Variants in SERPINI2 observed in about 807,000 individuals in gnomAD.
SERPINI2 encodes serpin family I member 2, also known as serpin I2.
SERPINI2 carries 48 observed loss-of-function variants against 47.3 expected under a neutral mutation model. The ratio of observed to expected loss-of-function variants is 1.02; its 90% CI spans 0.81 to 1.29. The LOEUF (loss-of-function observed/expected upper bound fraction) is 1.29. Among genes scored for constraint, SERPINI2 ranks in the 50% most tolerant of loss-of-function variants. The pLI is 0.00. For synonymous variants in SERPINI2, 135 were observed against 149.3 expected (o/e 0.90, Z 0.70); for missense variants, 448 against 456.9 (o/e 0.98, Z 0.18).
intron 5 of SERPINI2, among the ~76,000 whole-genome samples, chr3:167,459,339 G>C (rs1749915991): frequency 6.6e-6 from 1 of 152,142 alleles, no homozygotes; most frequent in African/African-American, 2.4e-5. Context: ...CTCCCAAAGT[G>C]CTGGGACTAC....
chr3:167,450,438 G>T (rs1749610771), intron 6 of SERPINI2, among the ~76,000 whole-genome samples: 1 of 152,166 alleles, frequency 6.6e-6, no homozygotes, highest in South Asian at 2.1e-4. Context: ...GCCATGTCAA[G>T]CTGGCCTTGC....
chr3:167,470,047 ACTT>A, intron 2 of SERPINI2, among the ~76,000 whole-genome samples: 1 of 150,962 alleles, frequency 6.6e-6, no homozygotes, highest in Non-Finnish European at 1.5e-5. Context: ...ACCTGTTAAA[ACTT>A]CTGTGTTTCT....
intron 5 of SERPINI2, among the ~76,000 whole-genome samples, chr3:167,464,304 A>C (rs991005805): frequency 3.3e-5 from 5 of 152,000 alleles, no homozygotes; most frequent in Admixed American, 2.6e-4. Flanking sequence ...ATGAGCCACC[A>C]TGCCTGGCCA....
chr3:167,465,685 G>A lies in SERPINI2; in HGVS notation c.479-12C>T, dbSNP rs1185247001. On this transcript the variant is annotated splice_polypyrimidine_tract_variant and intron_variant, in intron 3 of 8. Transcript: ENST00000264677. The stretch of plus-strand genomic sequence containing the variant: ...GTCTTTAATTTTTCCTAGGAAGTGG[G>A]TGGAGGAGGAGGTAAGAAGAAATGT... 1.3e-6 allele frequency: 2 copies of A among 1,599,438 alleles called. No homozygotes were observed. Among genetic ancestry groups the A allele is most frequent in the South Asian group, 2.2e-5 (2 of 89,328 alleles).
chr3:167,449,199 G>T, intron 7 of SERPINI2, 117 bp downstream of exon 7: 2 of 709,592 alleles, frequency 2.8e-6, no homozygotes, highest in Non-Finnish European at 4.9e-6. Context: ...TCCTCCTGAA[G>T]TGTATTAGAC....
At chr3:167,458,759 G>A (rs554454180) in intron 5 of SERPINI2, among the ~76,000 whole-genome samples, 1 of 152,228 alleles carries the variant, frequency 6.6e-6, no homozygotes, top group Admixed American at 6.5e-5. Flanking sequence ...CAATAGACAC[G>A]AGAGCTGATC....
chr3:167,443,803 A>T (rs1749392635), intron 8 of SERPINI2, among the ~76,000 whole-genome samples: 1 of 152,212 alleles, frequency 6.6e-6, no homozygotes, highest in Admixed American at 6.5e-5. Flanking sequence ...CACATTTTGA[A>T]TTGAATCTTC....
At chr3:167,472,391 A>G (rs1425175107) in intron 1 of SERPINI2, among the ~76,000 whole-genome samples, 2 of 152,058 alleles carry the variant, frequency 1.3e-5, no homozygotes, top group Non-Finnish European at 2.9e-5. Flanking sequence ...TTAGGACAAA[A>G]TAACCCAAAG....
intron 8 of SERPINI2, among the ~76,000 whole-genome samples, chr3:167,446,010 A>G (rs1749468201): frequency 6.6e-6 from 1 of 152,102 alleles, no homozygotes; most frequent in Non-Finnish European, 1.5e-5. Flanking sequence ...TCCATCCCCA[A>G]TGTGGCATCA....
At chr3:167,475,835 C>A (rs1228542924), upstream of SERPINI2, among the ~76,000 whole-genome samples, 3 of 151,604 alleles carry the variant, frequency 2.0e-5, no homozygotes, top group African/African-American at 7.3e-5. Context: ...ATAAAAACCA[C>A]AGCAAAGGGT....
intron 8 of SERPINI2, among the ~76,000 whole-genome samples, chr3:167,446,090 A>G (rs1305271409): frequency 2.0e-5 from 3 of 152,038 alleles, no homozygotes; most frequent in African/African-American, 7.2e-5. Context: ...AAACCATACA[A>G]TCTTTCTCTG....
intron 2 of SERPINI2, chr3:167,469,169 T>G (rs1750236555): frequency 1.3e-5 from 2 of 152,186 alleles, no homozygotes; most frequent in Admixed American, 1.3e-4. Context: ...AGATCAAAAA[T>G]TATATATCTC....
At chr3:167,444,052 GA>G (rs900666794) in intron 8 of SERPINI2, among the ~76,000 whole-genome samples, 6 of 151,930 alleles carry the variant, frequency 3.9e-5, no homozygotes, top group South Asian at 2.1e-4. Flanking sequence ...CTAATGGCGA[GA>G]AAAAAAATTC....
At chr3:167,472,090 A>G (rs1750343520) in intron 1 of SERPINI2, among the ~76,000 whole-genome samples, 1 of 152,124 alleles carries the variant, frequency 6.6e-6, no homozygotes, top group Non-Finnish European at 1.5e-5. Context: ...AAAAATCAAA[A>G]AAGACACTAC....
Position 167,451,841 on chromosome 3 carries a change from G to A in SERPINI2, c.964+1095C>T, listed in dbSNP as rs1205916252. On this transcript the variant is annotated intron_variant, in intron 6 of 8. Transcript: ENST00000264677. ...TGAAAAATAGTTTGGATTATTGAAG[G>A]TTGAAGAGGTGGTTGTGTCTCAGGG... Among the ~76,000 whole-genome samples the A allele has an allele frequency of 2.6e-5, 4 of 152,288 alleles. No individual in the cohort carries two copies. In the East Asian group the frequency reaches 7.7e-4, roughly 29 times the overall value.
intron 3 of SERPINI2, among the ~76,000 whole-genome samples, chr3:167,466,748 C>T (rs975352120): frequency 6.6e-6 from 1 of 152,012 alleles, no homozygotes; most frequent in African/African-American, 2.4e-5. Flanking sequence ...GAGATTATTT[C>T]TGCTTTTATG....
At chr3:167,460,723 A>G (rs1056477987) in intron 5 of SERPINI2, among the ~76,000 whole-genome samples, 2 of 152,218 alleles carry the variant, frequency 1.3e-5, no homozygotes, top group African/African-American at 4.8e-5. Context: ...GGAAAGCTTC[A>G]TCAGGGTCCT....
At chr3:167,457,533 C>T (rs555587164) in intron 5 of SERPINI2, among the ~76,000 whole-genome samples, 15 of 152,282 alleles carry the variant, frequency 9.9e-5, no homozygotes, top group East Asian at 3.9e-4. Context: ...ACTTAATGTC[C>T]GAGTTGTTGC....
intron 8 of SERPINI2, among the ~76,000 whole-genome samples, chr3:167,442,937 A>G (rs1462621357): frequency 1.3e-5 from 2 of 152,214 alleles, no homozygotes; most frequent in East Asian, 3.9e-4. Flanking sequence ...AAGGCGACAA[A>G]TTTTGCATAA....
Sources: allele counts gnomAD v4.1 joint callset (sites outside exome capture counted in the v4.1 genomes callset), GRCh38; gene constraint gnomAD v4.1.1; transcripts MANE v1.5; gene names NCBI Gene and HGNC (gene_info 2026-07-23, HGNC 2026-07-21).